CSMD3: variants seen among roughly 807,000 people sequenced by gnomAD.
CSMD3 encodes the protein CUB and sushi domain-containing protein 3.
CSMD3 carries 177 observed loss-of-function variants against 435.2 expected under a neutral mutation model. The ratio of observed to expected loss-of-function variants is 0.41; its 90% CI spans 0.36 to 0.46. The LOEUF is 0.46. Ranked by LOEUF, CSMD3 falls within the 20% of genes least tolerant of loss-of-function variation. The pLI is 0.34. For missense variants in CSMD3, 4,265 were observed against 4,504.6 expected, an observed-to-expected ratio of 0.95 and a Z score of 1.52; for synonymous variants, 1,656 against 1,520.5, an observed-to-expected ratio of 1.09 and a Z score of -2.07.
intron 46 of CSMD3, 110 bp downstream of exon 46, chr8:112,319,791 G>A: frequency 6.3e-6 from 5 of 799,586 alleles, no homozygotes; most frequent in Non-Finnish European, 1.1e-5. Flanking sequence ...TATCAACACA[G>A]GGAATGAGGG....
chr8:112,545,499 A>AAAT lies in CSMD3; in HGVS notation c.4564+5171_4564+5172insATT, dbSNP rs1554609865. Among the ~76,000 whole-genome samples, 108 of 141,102 alleles carry AAAT rather than the reference A, an allele frequency of 7.7e-4. 2 individuals carry two copies. The highest frequency in any genetic ancestry group is 2.7e-3 in the African/African-American group (100 of 37,242). The allele number at this position is 141,102 out of a possible 152,430, so 92.6% of individuals were successfully genotyped here. ...CTCCATCTCAAAAAAAAAAAAAAAA[A>AAAT]AAAATAATAATAATAATAATAATAA... is the stretch of plus-strand genomic sequence containing the variant. On this transcript the variant is annotated intron_variant, in intron 27 of 70. Coordinates refer to ENST00000297405, the MANE Select transcript of CSMD3 (RefSeq NM_198123.2).
chr8:112,241,936 C>G (rs529823396), intron 65 of CSMD3, 151 bp from the exon 66 acceptor site: 1 of 698,650 alleles, frequency 1.4e-6, no homozygotes, highest in Non-Finnish European at 2.6e-6. Context: ...TAAAATGTTC[C>G]GTTCATCACA....
In CSMD3 at chr8:112,638,772, A is replaced by T. The variant is rs1344747257; in HGVS notation, c.3450T>A (p.Tyr1150Ter). Residue 1150 changes from tyrosine (Y) to a stop codon, truncating the protein, a stop_gained, in exon 21 of 71, where the codon TAT becomes TAA. Coordinates refer to ENST00000297405, the MANE Select transcript of CSMD3 (RefSeq NM_198123.2). LOFTEE classifies it high-confidence loss of function. ...AACGCAATTGAGCCCTGAAATTTCC[A>T]TAGAGACCAGCATTGATTGTTGGAG... ...DLPPTINAGL[Y>*]GNFRAQLRFI... The T allele has an allele frequency of 1.2e-6, 2 of 1,612,790 alleles. No homozygotes were observed. Among genetic ancestry groups the T allele is most frequent in the Non-Finnish European group, 1.7e-6 (2 of 1,179,010 alleles).
chr8:112,292,451 C>T, intron 55 of CSMD3, 86 bp downstream of exon 55: 1 of 1,375,612 alleles, frequency 7.3e-7, no homozygotes, highest in Non-Finnish European at 1.0e-6. Context: ...TTTTACTATT[C>T]TGCTCAAGCT....
intron 30 of CSMD3, among the ~76,000 whole-genome samples, chr8:112,499,311 A>G (rs930806832): frequency 1.3e-5 from 2 of 152,182 alleles, no homozygotes; most frequent in Non-Finnish European, 2.9e-5. Flanking sequence ...CTTTCATAAT[A>G]TATAAACAAA....
In CSMD3 at chr8:113,041,473, G is replaced by C. The variant is rs1367590890; in HGVS notation, c.918-22294C>G. Reference sequence around the variant, plus strand: ...TACCTTGTCCTTGCTAAGTGATACAGGACTGTCACTTAGATCTGAAACTTT... The same window carrying C: ...TACCTTGTCCTTGCTAAGTGATACACGACTGTCACTTAGATCTGAAACTTT... On this transcript the variant is annotated intron_variant, in intron 5 of 70. Coordinates refer to ENST00000297405, the MANE Select transcript of CSMD3 (RefSeq NM_198123.2). Among the ~76,000 whole-genome samples, 6 of 152,112 alleles carry C rather than the reference G, an allele frequency of 3.9e-5. No homozygotes were observed. The East Asian group carries it at 1.2e-3, about 30-fold the overall frequency.
intron 5 of CSMD3, among the ~76,000 whole-genome samples, chr8:113,037,362 T>A (rs1489167020): frequency 1.3e-5 from 2 of 152,136 alleles, no homozygotes; most frequent in African/African-American, 2.4e-5. Context: ...AATATATTTT[T>A]AAAAATGTAT....
At chr8:112,940,720 T>C (rs550261509) in intron 9 of CSMD3, among the ~76,000 whole-genome samples, 39 of 151,886 alleles carry the variant, frequency 2.6e-4, no homozygotes, top group Admixed American at 7.9e-4. Context: ...ACAAGTAAGA[T>C]ACCTTACTTC....
At chr8:112,507,397 G>A (rs1411863935) in intron 28 of CSMD3, among the ~76,000 whole-genome samples, 1 of 152,176 alleles carries the variant, frequency 6.6e-6, no homozygotes, top group East Asian at 1.9e-4. Context: ...GCTAAACAGA[G>A]CTTGTGTTCA....
At chr8:112,296,155 T>C in intron 53 of CSMD3, 149 bp from the exon 54 acceptor site, 2 of 668,056 alleles carry the variant, frequency 3.0e-6, no homozygotes, top group Non-Finnish European at 5.1e-6. Context: ...TAAAGGTAAC[T>C]ATGAAATATT....
intron 68 of CSMD3, among the ~76,000 whole-genome samples, chr8:112,231,983 C>A (rs755702949): frequency 1.6e-4 from 25 of 152,152 alleles, no homozygotes; most frequent in Admixed American, 1.2e-3. Flanking sequence ...TGTTCCACAT[C>A]CCCACTCTCC....
chr8:113,146,402 A>G (rs187133767), intron 4 of CSMD3, among the ~76,000 whole-genome samples: 16 of 151,616 alleles, frequency 1.1e-4, no homozygotes, highest in African/African-American at 2.9e-4. Context: ...ACACAACAAT[A>G]TGCATACTCT....
intron 3 of CSMD3, among the ~76,000 whole-genome samples, chr8:113,186,417 G>A (rs2092502515): frequency 6.6e-6 from 1 of 152,002 alleles, no homozygotes; most frequent in Non-Finnish European, 1.5e-5. Context: ...AGTCAAAGTA[G>A]CAGCCTTTCA....
intron 70 of CSMD3, among the ~76,000 whole-genome samples, chr8:112,226,552 A>C (rs1485477516): frequency 2.0e-5 from 3 of 152,188 alleles, no homozygotes; most frequent in Admixed American, 6.5e-5. Context: ...AGAGGAAAAA[A>C]AATAAATTTA....
At chr8:112,617,290 T>C (rs571892680) in intron 22 of CSMD3, among the ~76,000 whole-genome samples, 7 of 152,328 alleles carry the variant, frequency 4.6e-5, no homozygotes, top group Admixed American at 6.5e-5. Flanking sequence ...TATTGATTTA[T>C]AACTTTTTTC....
intron 38 of CSMD3, among the ~76,000 whole-genome samples, chr8:112,363,756 A>G (rs74726526): frequency 0.038 from 5,756 of 152,110 alleles, 356 homozygotes; most frequent in African/African-American, 0.13. Context: ...ATAAATCTGT[A>G]AGGGCTTTAT....
intron 65 of CSMD3, among the ~76,000 whole-genome samples, chr8:112,243,777 G>A (rs1392937325): frequency 6.6e-6 from 1 of 152,124 alleles, no homozygotes; most frequent in African/African-American, 2.4e-5. Context: ...CTTTGCAAAT[G>A]TAATTAACTA....
chr8:112,608,076 C>G (rs982331478), intron 22 of CSMD3, among the ~76,000 whole-genome samples: 2 of 152,056 alleles, frequency 1.3e-5, no homozygotes, highest in Non-Finnish European at 2.9e-5. Flanking sequence ...ACCAACAAAA[C>G]TGGTAGAACT....
intron 5 of CSMD3, among the ~76,000 whole-genome samples, chr8:113,025,525 T>C (rs1012078879): frequency 6.6e-6 from 1 of 152,120 alleles, no homozygotes; most frequent in Non-Finnish European, 1.5e-5. Flanking sequence ...GGACCTCCAC[T>C]AGGCCAGCTA....
Sources: gnomAD v4.1 joint callset for allele counts (sites outside exome capture counted in the v4.1 genomes callset) on GRCh38, gnomAD v4.1.1 for gene constraint, MANE v1.5 for transcripts, NCBI Gene and HGNC (gene_info 2026-07-23, HGNC 2026-07-21) for gene names.